Variants in DEPTOR observed in about 807,000 individuals in gnomAD.
The protein encoded by DEPTOR is DEP domain-containing mTOR-interacting protein.
DEPTOR carries 41 observed loss-of-function variants against 41.6 expected under a neutral mutation model. That is an observed-to-expected ratio of 0.98 (90% confidence interval 0.77 to 1.28). DEPTOR has a LOEUF of 1.28. Ranked by LOEUF, DEPTOR falls within the 50% of genes most tolerant of loss-of-function variation. The probability of loss-of-function intolerance (pLI) is 0.00; values close to 1 mark genes in which losing one functional copy is unlikely to be tolerated. For missense variants in DEPTOR, 514 were observed against 527.9 expected (o/e 0.97, Z 0.26); for synonymous variants, 195 against 192.3 (o/e 1.01, Z -0.12).
At chr8:119,897,296 A>C (rs1008896755) in intron 1 of DEPTOR, among the ~76,000 whole-genome samples, 4 of 152,246 alleles carry the variant, frequency 2.6e-5, no homozygotes, top group Non-Finnish European at 5.9e-5. Context: ...GCACTTTGGG[A>C]GGCCGAGGTG....
rs561634413 is a variant in DEPTOR at position 119,888,636 on chromosome 8, G to A, written c.122+14668G>A. 3.3e-5 allele frequency among the ~76,000 whole-genome samples: 5 copies of A among 152,122 alleles called. No individual in the cohort carries two copies. In the South Asian group the frequency reaches 1.0e-3, roughly 32 times the overall value. On this transcript the variant is annotated intron_variant, in intron 1 of 8. Transcript: ENST00000286234. ...TTTGGGAGGCCGAGGCAGGCAGATG[G>A]CTTGAGGCCAGGAGTTTGAGACCAG...
chr8:119,887,115 C>CTGT, intron 1 of DEPTOR, among the ~76,000 whole-genome samples: 1 of 14,500 alleles, frequency 6.9e-5, no homozygotes, highest in South Asian at 4.1e-3. Flanking sequence ...TTCCCCTCCC[C>CTGT]TCCCCCTCCC....
chr8:120,033,929 G>C (rs1812933719), intron 8 of DEPTOR, among the ~76,000 whole-genome samples: 1 of 152,022 alleles, frequency 6.6e-6, no homozygotes, highest in Non-Finnish European at 1.5e-5. Context: ...ATGAAGGGGC[G>C]GGTGACTCAC....
At chr8:119,996,351 T>C (rs181401292) in intron 4 of DEPTOR, among the ~76,000 whole-genome samples, 1 of 152,352 alleles carries the variant, frequency 6.6e-6, no homozygotes, top group East Asian at 1.9e-4. Context: ...ATAATAAATG[T>C]ATAATTTATT....
At chr8:119,926,663 T>C (rs1267613023) in intron 1 of DEPTOR, among the ~76,000 whole-genome samples, 2 of 152,196 alleles carry the variant, frequency 1.3e-5, no homozygotes, top group African/African-American at 4.8e-5. Context: ...CACCATCTTA[T>C]GAGAATGTTT....
At chr8:119,996,805 T>G (rs1368947990) in intron 4 of DEPTOR, among the ~76,000 whole-genome samples, 1 of 152,216 alleles carries the variant, frequency 6.6e-6, no homozygotes, top group Non-Finnish European at 1.5e-5. Flanking sequence ...TCTTAATAAA[T>G]GTATACAGGG....
At chr8:119,903,865 C>G (rs959683525) in intron 1 of DEPTOR, among the ~76,000 whole-genome samples, 17 of 152,150 alleles carry the variant, frequency 1.1e-4, no homozygotes, top group Non-Finnish European at 2.1e-4. Flanking sequence ...CCAGCTTTAC[C>G]AGTGCTTAGT....
intron 8 of DEPTOR, among the ~76,000 whole-genome samples, chr8:120,037,451 G>A (rs1812995715): frequency 6.6e-6 from 1 of 152,174 alleles, no homozygotes; most frequent in South Asian, 2.1e-4. Context: ...AGTGGAATTG[G>A]TAATGTCAGT....
chr8:119,995,680 T>C (rs1812249666), intron 4 of DEPTOR, among the ~76,000 whole-genome samples: 1 of 152,164 alleles, frequency 6.6e-6, no homozygotes. Context: ...AATTGCCATG[T>C]TCTTGTGTGA....
chr8:119,986,602 G>T (rs990790722), intron 4 of DEPTOR, among the ~76,000 whole-genome samples: 2 of 152,002 alleles, frequency 1.3e-5, no homozygotes, highest in African/African-American at 4.8e-5. Context: ...AGTTCTCCTG[G>T]ATAATATCCT....
intron 3 of DEPTOR, among the ~76,000 whole-genome samples, chr8:119,943,952 C>T (rs1257122476): frequency 1.3e-5 from 2 of 152,152 alleles, no homozygotes; most frequent in Non-Finnish European, 2.9e-5. Context: ...ATTCTCCTGC[C>T]TCAGCCTCCC....
intron 8 of DEPTOR, among the ~76,000 whole-genome samples, chr8:120,023,080 G>A (rs185902891): frequency 6.6e-6 from 1 of 152,152 alleles, no homozygotes; most frequent in African/African-American, 2.4e-5. Flanking sequence ...GCATGGTGAG[G>A]TGGGCCTGTC....
At chr8:119,997,685 G>A (rs1037073301) in intron 4 of DEPTOR, among the ~76,000 whole-genome samples, 2 of 152,178 alleles carry the variant, frequency 1.3e-5, no homozygotes, top group Non-Finnish European at 2.9e-5. Flanking sequence ...TGGCACTGGT[G>A]CTCTCTTAGT....
chr8:120,002,912 CCTATGTGCT>C lies in DEPTOR; in HGVS notation c.791-61_791-53del, dbSNP rs1346194766. ...CCCCTCTGGACCTTGCAGTTGAAAG[CCTATGTGCT>C]CTAGTGAGCCGAGACCACCCCCTTG... On this transcript the variant is annotated intron_variant, in intron 5 of 8. Transcript: ENST00000286234. 3.9e-6 allele frequency: 6 copies of C among 1,520,246 alleles called. No individual in the cohort carries two copies. In the Admixed American group the frequency reaches 1.0e-4, roughly 25 times the overall value. The allele number at this position is 1,520,246 out of a possible 1,614,324, so 94.2% of individuals were successfully genotyped here.
At chr8:119,976,857 C>G (rs996637898) in intron 4 of DEPTOR, among the ~76,000 whole-genome samples, 9 of 152,090 alleles carry the variant, frequency 5.9e-5, no homozygotes, top group Non-Finnish European at 1.0e-4. Context: ...ACCCTCCCCC[C>G]GCACACCCTG....
At chr8:119,882,843 G>A (rs1049143277) in intron 1 of DEPTOR, among the ~76,000 whole-genome samples, 7 of 152,152 alleles carry the variant, frequency 4.6e-5, no homozygotes, top group Admixed American at 3.9e-4. Flanking sequence ...TTTCTACACG[G>A]TAATTATACT....
intron 1 of DEPTOR, among the ~76,000 whole-genome samples, chr8:119,912,920 T>A (rs552317971): frequency 1.3e-5 from 2 of 152,276 alleles, no homozygotes; most frequent in South Asian, 4.2e-4. Context: ...TTGTTTTTGT[T>A]TTTTGTTTGT....
chr8:119,885,737 T>C (rs1426307589), intron 1 of DEPTOR, among the ~76,000 whole-genome samples: 2 of 152,236 alleles, frequency 1.3e-5, no homozygotes, highest in Non-Finnish European at 2.9e-5. Context: ...CAGAAAAGTT[T>C]AAATAATTTT....
chr8:120,026,576 C>T (rs961933970), intron 8 of DEPTOR, among the ~76,000 whole-genome samples: 3 of 152,028 alleles, frequency 2.0e-5, no homozygotes, highest in Admixed American at 6.6e-5. Context: ...CTCCTGACCT[C>T]CGGTGATCCA....
Sources: gnomAD v4.1 joint callset for allele counts (sites outside exome capture counted in the v4.1 genomes callset) on GRCh38, gnomAD v4.1.1 for gene constraint, MANE v1.5 for transcripts, NCBI Gene and HGNC (gene_info 2026-07-23, HGNC 2026-07-21) for gene names.